Variants in CNTNAP2 observed in about 807,000 individuals in gnomAD.
The protein encoded by CNTNAP2 is contactin-associated protein-like 2.
CNTNAP2 carries 98 observed loss-of-function variants against 155.2 expected under a neutral mutation model. That is an observed-to-expected ratio of 0.63 (90% CI 0.54 to 0.75). CNTNAP2 has a LOEUF of 0.75. CNTNAP2 is among the 30% of genes least tolerant of loss of function. CNTNAP2 has a pLI of 0.00. For synonymous variants in CNTNAP2, 651 were observed against 631.2 expected (o/e 1.03, Z -0.47); for missense variants, 1,727 against 1,688.1 (o/e 1.02, Z -0.40).
intron 23 of CNTNAP2, among the ~76,000 whole-genome samples, chr7:148,411,718 G>A (rs1172424589): frequency 2.0e-5 from 3 of 151,670 alleles, no homozygotes; most frequent in Non-Finnish European, 4.4e-5. Context: ...TTTATAAATG[G>A]TGTGAGAGAA....
chr7:146,132,809 T>G (rs1380701547), intron 1 of CNTNAP2, among the ~76,000 whole-genome samples: 2 of 150,042 alleles, frequency 1.3e-5, no homozygotes, highest in African/African-American at 4.9e-5. Context: ...ATCCAGTCTA[T>G]CGTTGTTGGA....
chr7:147,920,565 A>T (rs1471987533), intron 14 of CNTNAP2, among the ~76,000 whole-genome samples: 2 of 152,096 alleles, frequency 1.3e-5, no homozygotes, highest in African/African-American at 4.8e-5. Flanking sequence ...GTAGATGATT[A>T]TATAGCAGTT....
rs118191782 is a variant in CNTNAP2, at chr7:146,795,638, G to C, written c.208+21257G>C. Among the ~76,000 whole-genome samples, 127 of 152,296 alleles carry C rather than the reference G, an allele frequency of 8.3e-4. 1 individual carries two copies. The East Asian group carries it at 0.022, about 26-fold the overall frequency. On this transcript the variant is annotated intron_variant, in intron 2 of 23. Coordinates refer to ENST00000361727, the MANE Select transcript of CNTNAP2 (RefSeq NM_014141.6). ...ATATGCCTACATCTATCAGACGTTG[G>C]TTACTTTTCCCAATTTCCCAACTAC...
At chr7:147,518,470 T>A (rs1239615611) in intron 11 of CNTNAP2, among the ~76,000 whole-genome samples, 1 of 152,288 alleles carries the variant, frequency 6.6e-6, no homozygotes, top group Admixed American at 6.5e-5. Flanking sequence ...CCTAGCATCA[T>A]CTCTTGCAGT....
chr7:147,472,204 C>CTTTTTTTTTTTTTTTTTTTTTTTTTTT (rs542047274), intron 10 of CNTNAP2, among the ~76,000 whole-genome samples: 3 of 81,068 alleles, frequency 3.7e-5, no homozygotes, highest in African/African-American at 1.5e-4. Context: ...TCTTTTTTTC[C>CTTTTTTTTTTTTTTTTTTTTTTTTTTT]TTTTTTTTTT....
chr7:148,295,031 C>T (rs1797256402), intron 21 of CNTNAP2, among the ~76,000 whole-genome samples: 1 of 152,092 alleles, frequency 6.6e-6, no homozygotes, highest in South Asian at 2.1e-4. Context: ...CGAGAAATCA[C>T]AATTTTTGCA....
intron 10 of CNTNAP2, among the ~76,000 whole-genome samples, chr7:147,396,978 G>A (rs1364790829): frequency 6.6e-6 from 1 of 151,944 alleles, no homozygotes; most frequent in East Asian, 1.9e-4. Flanking sequence ...ACTCAAAAAT[G>A]AATTTTACAA....
chr7:147,904,602 A>G (rs1410412581), intron 14 of CNTNAP2, among the ~76,000 whole-genome samples: 1 of 152,230 alleles, frequency 6.6e-6, no homozygotes, highest in Non-Finnish European at 1.5e-5. Flanking sequence ...TCACCTATGT[A>G]GTATGCTATT....
In CNTNAP2 at chr7:146,989,284, C is replaced by T. The variant is rs761635885; in HGVS notation, c.403-54623C>T. Among the ~76,000 whole-genome samples the T allele has an allele frequency of 1.1e-4, 16 of 151,966 alleles. 1 individual carries two copies. Among genetic ancestry groups the T allele is most frequent in the Non-Finnish European group, 2.1e-4 (14 of 68,008 alleles). On this transcript the variant is annotated intron_variant, in intron 3 of 23. Coordinates refer to ENST00000361727, the MANE Select transcript of CNTNAP2 (RefSeq NM_014141.6). ...TCTTACCAAAGCCTAGAGCTGACCT[C>T]GTTAGCAGTTTTAAATCTAGGATGT... is the stretch of plus-strand genomic sequence containing the variant.
chr7:147,460,910 T>C (rs149389368), intron 10 of CNTNAP2, among the ~76,000 whole-genome samples: 1 of 152,338 alleles, frequency 6.6e-6, no homozygotes, highest in Non-Finnish European at 1.5e-5. Flanking sequence ...ATCTTTCTAC[T>C]TAGTCAATTG....
At chr7:146,666,832 T>C (rs1800203941) in intron 1 of CNTNAP2, among the ~76,000 whole-genome samples, 1 of 152,164 alleles carries the variant, frequency 6.6e-6, no homozygotes, top group African/African-American at 2.4e-5. Context: ...CATTTTTTAA[T>C]CAAGTTGTTT....
At chr7:147,780,413 A>T (rs1457563374) in intron 13 of CNTNAP2, among the ~76,000 whole-genome samples, 2 of 152,160 alleles carry the variant, frequency 1.3e-5, no homozygotes, top group African/African-American at 2.4e-5. Flanking sequence ...GGTTTTTTTT[A>T]AAGTTTTAAT....
At chr7:148,147,149 C>A (rs1805198709) in intron 16 of CNTNAP2, among the ~76,000 whole-genome samples, 1 of 152,168 alleles carries the variant, frequency 6.6e-6, no homozygotes. Flanking sequence ...CGTGACTCCA[C>A]TAACTTACTG....
intron 1 of CNTNAP2, among the ~76,000 whole-genome samples, chr7:146,389,241 A>G (rs933005226): frequency 2.0e-5 from 3 of 151,944 alleles, no homozygotes; most frequent in Admixed American, 2.0e-4. Flanking sequence ...ACACACACAC[A>G]CACACACACA....
At chr7:146,595,590 A>G (rs1798848198) in intron 1 of CNTNAP2, among the ~76,000 whole-genome samples, 1 of 152,056 alleles carries the variant, frequency 6.6e-6, no homozygotes, top group Admixed American at 6.6e-5. Context: ...TTGAAACAGT[A>G]GGTGGAAATA....
rs567736020 is a variant in CNTNAP2, at chr7:148,419,491, G to A, written c.*3875G>A. 19 of 152,020 alleles carry A rather than the reference G, an allele frequency of 1.2e-4. No homozygotes were observed. Among genetic ancestry groups the A allele is most frequent in the Middle Eastern group, 3.4e-3 (1 of 294 alleles). 9.4% of individuals were successfully genotyped at this position (152,020 alleles called of 1,614,324 possible). A position where few individuals can be genotyped will look rare whatever the true frequency, so the allele number is the denominator to read the frequency against. ...GTCCCCCAGGCTGGAGTGCACTGGCGCAATCTCGGGCTCACTGCAACCTCC... is the reference window on the plus strand; with the variant it reads ...GTCCCCCAGGCTGGAGTGCACTGGCACAATCTCGGGCTCACTGCAACCTCC... On this transcript the variant is annotated 3_prime_UTR_variant, in exon 24 of 24. Transcript: ENST00000361727.
intron 13 of CNTNAP2, among the ~76,000 whole-genome samples, chr7:147,796,546 G>A (rs527705574): frequency 6.6e-6 from 1 of 151,180 alleles, no homozygotes; most frequent in East Asian, 1.9e-4. Flanking sequence ...GCTACAAAGT[G>A]TATTGCTTAT....
chr7:147,586,239 T>G (rs1424780347), intron 12 of CNTNAP2, among the ~76,000 whole-genome samples: 1 of 152,008 alleles, frequency 6.6e-6, no homozygotes, highest in Non-Finnish European at 1.5e-5. Flanking sequence ...GTAACAGGCT[T>G]CAGAGAAAAG....
intron 8 of CNTNAP2, among the ~76,000 whole-genome samples, chr7:147,154,979 G>C (rs1005474597): frequency 6.6e-6 from 1 of 152,148 alleles, no homozygotes; most frequent in Non-Finnish European, 1.5e-5. Flanking sequence ...AGAGAGAAAT[G>C]GCTAAAAAGA....
Sources: gnomAD v4.1 joint callset for allele counts (sites outside exome capture counted in the v4.1 genomes callset) on GRCh38, gnomAD v4.1.1 for gene constraint, MANE v1.5 for transcripts, NCBI Gene and HGNC (gene_info 2026-07-23, HGNC 2026-07-21) for gene names.